The following MAEL variants were observed in gnomAD, a reference collection of about 807,000 sequenced individuals.
MAEL encodes maelstrom spermatogenic transposon silencer, also known as protein maelstrom homolog.
In MAEL, 46 loss-of-function variants were observed where a neutral mutation model predicts 62.0. The ratio of observed to expected loss-of-function variants is 0.74; its 90% CI spans 0.59 to 0.95. The LOEUF (loss-of-function observed/expected upper bound fraction) is 0.95. Among genes scored for constraint, MAEL ranks in the 40% least tolerant of loss-of-function variants. The probability of loss-of-function intolerance (pLI) is 0.00; values close to 1 mark genes in which losing one functional copy is unlikely to be tolerated. For missense variants in MAEL, 497 were observed against 526.8 expected (o/e 0.94, Z 0.55); for synonymous variants, 172 against 175.5 (o/e 0.98, Z 0.16).
upstream of MAEL, among the ~76,000 whole-genome samples, chr1:166,988,689 A>G (rs1571238881): frequency 6.6e-6 from 1 of 152,222 alleles, no homozygotes; most frequent in East Asian, 1.9e-4. Flanking sequence ...ATAAAAACTC[A>G]TATTGTTAAT....
At chr1:166,994,808 T>TA (rs1664343666) in intron 5 of MAEL, among the ~76,000 whole-genome samples, 1 of 151,560 alleles carries the variant, frequency 6.6e-6, no homozygotes, top group Non-Finnish European at 1.5e-5. Flanking sequence ...TGGCTGGGAC[T>TA]ACAGGCACAT....
At chr1:167,006,636 T>TATATATATATACAC (rs1557982563) in intron 8 of MAEL, among the ~76,000 whole-genome samples, 1 of 92,354 alleles carries the variant, frequency 1.1e-5, no homozygotes, top group African/African-American at 3.7e-5. Flanking sequence ...TATATATATA[T>TATATATATATACAC]ACATTTTTTT....
intron 8 of MAEL, among the ~76,000 whole-genome samples, chr1:167,009,985 G>A (rs1665098585): frequency 1.3e-5 from 2 of 152,028 alleles, no homozygotes; most frequent in African/African-American, 4.8e-5. Context: ...AACATGGAAT[G>A]GTAATTGATA....
At chr1:167,020,280 T>G (rs112760932) in intron 10 of MAEL, among the ~76,000 whole-genome samples, 1,774 of 152,270 alleles carry the variant, frequency 0.012, 38 homozygotes, top group African/African-American at 0.041. Context: ...CTGCCTTGCA[T>G]GCACTGTCAA....
chr1:166,992,416 G>A (rs1664218228), intron 3 of MAEL, among the ~76,000 whole-genome samples: 1 of 152,076 alleles, frequency 6.6e-6, no homozygotes, highest in Non-Finnish European at 1.5e-5. Context: ...ATCTATGGCC[G>A]AATTATGTAG....
intron 9 of MAEL, 112 bp from the exon 10 acceptor site, chr1:167,017,715 C>T: frequency 2.2e-6 from 2 of 899,328 alleles, no homozygotes; most frequent in Non-Finnish European, 3.1e-6. Flanking sequence ...TATTTTTTCC[C>T]AGTTTATAAC....
At chr1:166,995,927 G>T (rs1451251418) in intron 5 of MAEL, among the ~76,000 whole-genome samples, 1 of 152,086 alleles carries the variant, frequency 6.6e-6, no homozygotes, top group African/African-American at 2.4e-5. Flanking sequence ...TTAACAGAAA[G>T]CATGGTTCTT....
intron 5 of MAEL, among the ~76,000 whole-genome samples, chr1:166,995,134 G>A (rs562945203): frequency 1.3e-5 from 2 of 152,162 alleles, no homozygotes; most frequent in Admixed American, 6.5e-5. Flanking sequence ...ATATTTGGTT[G>A]TATATTTTGA....
upstream of MAEL, among the ~76,000 whole-genome samples, chr1:166,987,050 T>TA (rs973829958): frequency 3.9e-5 from 6 of 151,992 alleles, no homozygotes; most frequent in Non-Finnish European, 8.8e-5. Context: ...TTATTGACTT[T>TA]AAAATGAAAC....
chr1:166,992,883 T>G (rs74319089), intron 4 of MAEL, 42 bp downstream of exon 4: 2 of 1,044,058 alleles, frequency 1.9e-6, no homozygotes, highest in Non-Finnish European at 2.6e-6. Context: ...ACGTGTATGG[T>G]TTTTTTTTTT....
At chr1:166,978,545 T>G (rs2102055308) in intron 1 of MAEL, among the ~76,000 whole-genome samples, 1 of 152,314 alleles carries the variant, frequency 6.6e-6, no homozygotes, top group South Asian at 2.1e-4. Context: ...ATCATATTAC[T>G]GTGTTTGCTT....
intron 1 of MAEL, among the ~76,000 whole-genome samples, chr1:166,981,468 A>G (rs567658723): frequency 1.3e-5 from 2 of 152,202 alleles, no homozygotes; most frequent in South Asian, 4.1e-4. Context: ...AATAGCTTAC[A>G]TTTGAGTTGT....
intron 5 of MAEL, among the ~76,000 whole-genome samples, chr1:166,998,067 A>C (rs983082226): frequency 6.6e-6 from 1 of 152,178 alleles, no homozygotes; most frequent in Non-Finnish European, 1.5e-5. Context: ...TGCTGTCAAT[A>C]TCATATTCTT....
intron 4 of MAEL, 137 bp downstream of exon 4, chr1:166,992,978 C>G (rs1664259112): frequency 6.8e-6 from 5 of 731,132 alleles, no homozygotes. Context: ...CTTCATAATG[C>G]TTATTGAAAA....
chr1:167,012,634 A>G (rs1022744435), intron 8 of MAEL: 13 of 152,252 alleles, frequency 8.5e-5, no homozygotes. Context: ...AAGAAAATCA[A>G]CAAGACACTC....
intron 8 of MAEL, among the ~76,000 whole-genome samples, chr1:167,011,913 A>G (rs1182576447): frequency 1.3e-5 from 2 of 152,334 alleles, no homozygotes; most frequent in East Asian, 3.9e-4. Context: ...GCTATACTCT[A>G]CAACAAGACT....
In MAEL at chr1:166,991,441, C is replaced by T. The variant is rs1476450930; in HGVS notation, c.289C>T (p.Pro97Ser). The part of the protein sequence containing the change: ...MLVPKQNVSP[P>S]DMSALSLKGD... ...TGTACCAAAGCAGAATGTTTCACCT[C>T]CAGATATGTCAGCTTTGTCTTTAAA... Residue 97 changes from proline to serine, a missense_variant, in exon 3 of 12, where the codon CCA (proline) becomes TCA (serine). Physicochemically the swap from Pro to Ser is moderately conservative, Grantham distance 74 (BLOSUM62 -1). Coordinates refer to ENST00000367872, the MANE Select transcript of MAEL (RefSeq NM_032858.3). The T allele has an allele frequency of 1.9e-6, 3 of 1,612,996 alleles. No homozygotes were observed. In the South Asian group the frequency reaches 3.3e-5, roughly 18 times the overall value.
rs978753792 is a variant in MAEL, at chr1:166,995,175, T to A, written c.523+1106T>A. ...TAATATGTACTAATTCTTTATTTGT[T>A]TGACTGGAATCAGGGCTGTAGGCTA... On this transcript the variant is annotated intron_variant, in intron 5 of 11. Transcript: ENST00000367872. Among the ~76,000 whole-genome samples the A allele has an allele frequency of 2.0e-5, 3 of 152,280 alleles. No homozygotes were observed. The South Asian group carries it at 6.2e-4, about 32-fold the overall frequency.
intron 6 of MAEL, 91 bp from the exon 7 acceptor site, chr1:167,004,985 C>A: frequency 1.6e-6 from 2 of 1,278,246 alleles, no homozygotes; most frequent in Non-Finnish European, 2.2e-6. Context: ...CCAACCCCCA[C>A]ATTTTGAAAG....
Sources: gnomAD v4.1 joint callset for allele counts (sites outside exome capture counted in the v4.1 genomes callset) on GRCh38, gnomAD v4.1.1 for gene constraint, MANE v1.5 for transcripts, NCBI Gene and HGNC (gene_info 2026-07-23, HGNC 2026-07-21) for gene names.